Variants in CTBS observed in about 807,000 individuals in gnomAD.
CTBS encodes the protein di-N-acetylchitobiase.
In CTBS, 35 loss-of-function variants were observed where a neutral mutation model predicts 44.3. The observed-to-expected ratio is 0.79, with a 90% confidence interval of 0.60 to 1.05. The LOEUF (loss-of-function observed/expected upper bound fraction) is 1.05, where lower values mean the gene tolerates loss of function less well. Ranked by LOEUF, CTBS falls within the 50% of genes least tolerant of loss-of-function variation. The probability of loss-of-function intolerance (pLI) is 0.00; values close to 1 mark genes in which losing one functional copy is unlikely to be tolerated. For synonymous variants in CTBS, 143 were observed against 168.0 expected (o/e 0.85, Z 1.15); for missense variants, 458 against 475.3 (o/e 0.96, Z 0.34).
rs1421022200 is a variant in CTBS at position 84,555,063 on chromosome 1, G to A, written c.1094C>T (p.Ala365Val). 1 of 1,613,804 alleles carries A rather than the reference G, an allele frequency of 6.2e-7. No homozygotes were observed. Among genetic ancestry groups the A allele is most frequent in the Non-Finnish European group, 8.5e-7 (1 of 1,179,940 alleles). The change falls in exon 7 of 7, where the codon GCT (alanine) becomes GTT (valine). Residue 365 changes from alanine (A) to valine (V), a missense_variant. Coordinates refer to ENST00000370630, the MANE Select transcript of CTBS (RefSeq NM_004388.3). The stretch of plus-strand genomic sequence containing the variant: ...TTCTTCAGTTTGCTGTTTGGCTACA[G>A]CATCTCCAGAGTAGTCAAGACAGTT... ...NANCLDYSGD[A>V]VAKQQTEEMW...
chr1:84,554,924 A>G lies in CTBS; in HGVS notation c.*75T>C, dbSNP rs1261863900. The stretch of plus-strand genomic sequence containing the variant: ...ACGGATAACAAAAGTATATAGCAAC[A>G]TAATAAAAATGCAAGAAACTAGATC... On this transcript the variant is annotated 3_prime_UTR_variant, in exon 7 of 7. Transcript: ENST00000370630. The G allele has an allele frequency of 8.6e-7, 1 of 1,159,162 alleles. No homozygotes were observed. Among genetic ancestry groups the G allele is most frequent in the African/African-American group, 1.5e-5 (1 of 64,538 alleles). The allele number at this position is 1,159,162 out of a possible 1,614,324, so 71.8% of individuals were successfully genotyped here. A position where few individuals can be genotyped will look rare whatever the true frequency, so the allele number is the denominator to read the frequency against.
intron 6 of CTBS, 80 bp downstream of exon 6, chr1:84,563,177 T>G: frequency 2.0e-6 from 2 of 991,320 alleles, no homozygotes; most frequent in Non-Finnish European, 1.4e-6. Flanking sequence ...TGATAGAAAT[T>G]CTTGATATCA....
chr1:84,574,378 G>A lies in CTBS; in HGVS notation c.38C>T (p.Ser13Phe). The part of the protein sequence containing the change: ...RPQLRRWRLV[S>F]SPPSGVPGLA... ...ACCCGGGACGCCGCTCGGCGGGCTA[G>A]AGACGAGGCGCCAGCGTCGAAGCTG... Residue 13 changes from serine (S) to phenylalanine (F), a missense_variant, in exon 1 of 7, where the codon TCT (serine) becomes TTT (phenylalanine). Coordinates refer to ENST00000370630, the MANE Select transcript of CTBS (RefSeq NM_004388.3). 1 of 1,564,030 alleles carries A rather than the reference G, an allele frequency of 6.4e-7. No homozygotes were observed.
rs1408403260 is a variant in CTBS, at chr1:84,551,368, TAAAA to T, written c.*3627_*3630del. The T allele has an allele frequency of 1.3e-6, 1 of 756,700 alleles. No individual in the cohort carries two copies. Among genetic ancestry groups the T allele is most frequent in the Non-Finnish European group, 1.6e-6 (1 of 622,408 alleles). 46.9% of individuals were successfully genotyped at this position (756,700 alleles called of 1,614,324 possible). A position where few individuals can be genotyped will look rare whatever the true frequency, so the allele number is the denominator to read the frequency against. On this transcript the variant is annotated 3_prime_UTR_variant, in exon 7 of 7. Coordinates refer to ENST00000370630, the MANE Select transcript of CTBS (RefSeq NM_004388.3). ...TACTGTCCTCGGTTTCAGATAAAAA[TAAAA>T]ATAAATAAAATTTAAAAATAAAAAA...
chr1:84,558,341 G>T (rs554465525), intron 6 of CTBS, among the ~76,000 whole-genome samples: 1 of 150,718 alleles, frequency 6.6e-6, no homozygotes, highest in Non-Finnish European at 1.5e-5. Flanking sequence ...CCAGGCTGGA[G>T]TGCAGTGGCG....
intron 6 of CTBS, among the ~76,000 whole-genome samples, chr1:84,558,316 G>A (rs1446977497): frequency 6.7e-6 from 1 of 149,640 alleles, no homozygotes; most frequent in Non-Finnish European, 1.5e-5. Context: ...TTGAGACGGA[G>A]TCTCGCTCTG....
chr1:84,561,326 G>A (rs539993453), intron 6 of CTBS, among the ~76,000 whole-genome samples: 2 of 152,280 alleles, frequency 1.3e-5, no homozygotes, highest in East Asian at 1.9e-4. Context: ...TAGAATTGGA[G>A]GTGAATCCTA....
intron 1 of CTBS, among the ~76,000 whole-genome samples, chr1:84,572,022 G>A (rs1647320631): frequency 6.6e-6 from 1 of 152,094 alleles, no homozygotes; most frequent in Admixed American, 6.5e-5. Flanking sequence ...CTTTAAAGTC[G>A]GTAGTGGAAA....
Position 84,563,293 on chromosome 1 carries a change from C to A in CTBS, c.921G>T (p.Trp307Cys). 6.3e-7 allele frequency: 1 copy of A among 1,583,540 alleles called. No individual in the cohort carries two copies. The highest frequency in any genetic ancestry group is 1.4e-5 in the African/African-American group (1 of 73,134). ...AATAAGGAGCCCGCTGATCTTTATC[C>A]CATAGGTTTCCAGAAATAGAACTAT... ...QINSSISGNL[W>C]DKDQRAPYYN... The change falls in exon 6 of 7, where the codon TGG (tryptophan) becomes TGT (cysteine). Residue 307 changes from tryptophan to cysteine, a missense_variant. By Grantham distance (215) the Trp-to-Cys change is radical (BLOSUM62 -2). Coordinates refer to ENST00000370630, the MANE Select transcript of CTBS (RefSeq NM_004388.3).
chr1:84,568,382 C>T (rs1030133067), intron 3 of CTBS, among the ~76,000 whole-genome samples: 1 of 152,196 alleles, frequency 6.6e-6, no homozygotes, highest in African/African-American at 2.4e-5. Context: ...ATTTGCTGTT[C>T]TTAATCTACA....
In CTBS at chr1:84,550,784, G is replaced by A. The variant is rs1684247243; in HGVS notation, c.*4215C>T. 9.6e-7 allele frequency: 1 copy of A among 1,045,038 alleles called. No individual in the cohort carries two copies. The highest frequency in any genetic ancestry group is 1.2e-6 in the Non-Finnish European group (1 of 866,030). 64.7% of individuals were successfully genotyped at this position (1,045,038 alleles called of 1,614,324 possible). Reference sequence around the variant, plus strand: ...TTACTAGGAAGAATTAAAGGAAAAGGAACCTGTGAGTCAATATATTCTCAA... The same window carrying A: ...TTACTAGGAAGAATTAAAGGAAAAGAAACCTGTGAGTCAATATATTCTCAA... On this transcript the variant is annotated 3_prime_UTR_variant, in exon 7 of 7. Transcript: ENST00000370630.
intron 6 of CTBS, among the ~76,000 whole-genome samples, chr1:84,556,636 C>CA (rs1684438445): frequency 6.8e-6 from 1 of 146,420 alleles, no homozygotes; most frequent in Non-Finnish European, 1.5e-5. Flanking sequence ...TGCTTGAACC[C>CA]AGGAGACGGA....
rs17111440 is a variant in CTBS at position 84,555,594 on chromosome 1, T to G, written c.958-395A>C. ...ATGGCACTTTTAACAATGGCAAAGATTACAGAAACGAGCCTCCTAATAGAT... is the reference window on the plus strand; with the variant it reads ...ATGGCACTTTTAACAATGGCAAAGAGTACAGAAACGAGCCTCCTAATAGAT... On this transcript the variant is annotated intron_variant, in intron 6 of 6. Coordinates refer to ENST00000370630, the MANE Select transcript of CTBS (RefSeq NM_004388.3). Among the ~76,000 whole-genome samples the G allele has an allele frequency of 8.1e-3, 1,237 of 152,334 alleles. 57 individuals carry two copies. The East Asian group carries it at 0.13, about 16-fold the overall frequency.
intron 1 of CTBS, among the ~76,000 whole-genome samples, chr1:84,572,882 T>C (rs1287201801): frequency 3.3e-5 from 5 of 152,180 alleles, no homozygotes; most frequent in African/African-American, 1.2e-4. Context: ...TTTCACCATG[T>C]TGGCCAGGCT....
At chr1:84,564,832 G>A (rs538788365) in intron 4 of CTBS, among the ~76,000 whole-genome samples, 28 of 152,146 alleles carry the variant, frequency 1.8e-4, no homozygotes, top group African/African-American at 6.0e-4. Flanking sequence ...GATCACTTGC[G>A]GCCAGCCTGG....
intron 1 of CTBS, among the ~76,000 whole-genome samples, chr1:84,572,168 GGAGA>G (rs1263993850): frequency 2.0e-5 from 3 of 152,086 alleles, no homozygotes; most frequent in African/African-American, 7.2e-5. Flanking sequence ...AATGAATGAG[GGAGA>G]GACAGTGGGG....
Position 84,574,246 on chromosome 1 carries a change from T to C in CTBS, c.170A>G (p.Asp57Gly). 1 of 1,605,542 alleles carries C rather than the reference T, an allele frequency of 6.2e-7. No homozygotes were observed. The highest frequency in any genetic ancestry group is 8.5e-7 in the Non-Finnish European group (1 of 1,176,896). ...ELCRPIRHHPDFEVFVFDVGQ... is the reference protein window; with the variant it reads ...ELCRPIRHHPGFEVFVFDVGQ... ...GCAGAGGAAGGCGCTGACCTCGAAA[T>C]CTGGATGGTGGCGAATCGGGCGGCA... Residue 57 changes from aspartate (D) to glycine (G), a missense_variant, in exon 1 of 7, where the codon GAT (aspartate) becomes GGT (glycine). Coordinates refer to ENST00000370630, the MANE Select transcript of CTBS (RefSeq NM_004388.3).
intron 6 of CTBS, among the ~76,000 whole-genome samples, chr1:84,561,795 A>AT (rs993576527): frequency 2.6e-5 from 4 of 152,162 alleles, no homozygotes; most frequent in Non-Finnish European, 4.4e-5. Flanking sequence ...GATCGTTATC[A>AT]TTTTTTTAGC....
rs990394015 is a variant in CTBS at position 84,552,767 on chromosome 1, G to GT, written c.*2231dup. On this transcript the variant is annotated 3_prime_UTR_variant, in exon 7 of 7. Transcript: ENST00000370630. ...AAACATAAAATTCTTTCTCACTCTA[G>GT]TTTTTAGAACAGTTCAATTGTATTG... The GT allele has an allele frequency of 1.6e-5, 4 of 247,844 alleles. No individual in the cohort carries two copies. Among genetic ancestry groups the GT allele is most frequent in the African/African-American group, 4.4e-5 (2 of 45,080 alleles). The allele number at this position is 247,844 out of a possible 1,614,324, so 15.4% of individuals were successfully genotyped here.
Sources: allele counts gnomAD v4.1 joint callset (sites outside exome capture counted in the v4.1 genomes callset), GRCh38; gene constraint gnomAD v4.1.1; transcripts MANE v1.5; gene names NCBI Gene and HGNC (gene_info 2026-07-23, HGNC 2026-07-21).